Variants in ASTN2 observed in about 807,000 individuals in gnomAD.
ASTN2 encodes astrotactin-2.
Under a neutral mutation model 139.8 loss-of-function variants are expected in ASTN2, and 54 were observed. The ratio of observed to expected loss-of-function variants is 0.39; its 90% confidence interval spans 0.31 to 0.48. ASTN2 has a LOEUF of 0.48. Ranked by LOEUF, ASTN2 falls within the 20% of genes least tolerant of loss-of-function variation. The pLI, the probability that ASTN2 is intolerant of heterozygous loss-of-function variation, is 0.95. For synonymous variants in ASTN2, 756 were observed against 719.5 expected (o/e 1.05, Z -0.81); for missense variants, 1,565 against 1,725.1 (o/e 0.91, Z 1.64).
intron 13 of ASTN2, among the ~76,000 whole-genome samples, chr9:116,778,858 A>G (rs1830149544): frequency 6.6e-6 from 1 of 152,142 alleles, no homozygotes; most frequent in African/African-American, 2.4e-5. Context: ...AATCTAAATG[A>G]TTGATTAAGT....
chr9:116,943,484 C>T (rs1835294348), intron 10 of ASTN2, among the ~76,000 whole-genome samples: 1 of 152,190 alleles, frequency 6.6e-6, no homozygotes, highest in South Asian at 2.1e-4. Flanking sequence ...AATGGTTACA[C>T]AACTCTGTAA....
At chr9:116,838,118 TTTG>T (rs1564295727) in intron 11 of ASTN2, among the ~76,000 whole-genome samples, 10 of 138,984 alleles carry the variant, frequency 7.2e-5, no homozygotes, top group African/African-American at 2.5e-4. Flanking sequence ...TTTGTTTTGT[TTTG>T]TTTTTTGAGA....
chr9:116,779,030 T>A (rs531586596), intron 13 of ASTN2, among the ~76,000 whole-genome samples: 2 of 152,340 alleles, frequency 1.3e-5, no homozygotes, highest in Admixed American at 1.3e-4. Flanking sequence ...AATTACACTT[T>A]AAACTTGATG....
At chr9:117,160,709 G>A (rs1234687135) in intron 3 of ASTN2, among the ~76,000 whole-genome samples, 7 of 151,980 alleles carry the variant, frequency 4.6e-5, no homozygotes, top group Admixed American at 3.9e-4. Context: ...TAGGCACTCA[G>A]TAAGATTTCT....
intron 16 of ASTN2, among the ~76,000 whole-genome samples, chr9:116,657,850 G>A (rs1388285445): frequency 6.7e-6 from 1 of 149,656 alleles, no homozygotes; most frequent in East Asian, 2.1e-4. Flanking sequence ...CAAAAAAAAG[G>A]AATATAAAAG....
At chr9:117,329,799 T>C (rs1413772003) in intron 1 of ASTN2, among the ~76,000 whole-genome samples, 1 of 152,172 alleles carries the variant, frequency 6.6e-6, no homozygotes. Context: ...CCATTTATTG[T>C]TTACTATGTT....
chr9:116,863,912 T>G (rs1042117962), intron 10 of ASTN2, among the ~76,000 whole-genome samples, 179 bp from the exon 11 acceptor site: 3 of 152,164 alleles, frequency 2.0e-5, no homozygotes, highest in Non-Finnish European at 4.4e-5. Flanking sequence ...ACGGTGCTTG[T>G]CAAGTTGTGA....
At chr9:117,238,432 T>C (rs973734853) in intron 2 of ASTN2, among the ~76,000 whole-genome samples, 1 of 152,188 alleles carries the variant, frequency 6.6e-6, no homozygotes, top group African/African-American at 2.4e-5. Flanking sequence ...TTTTCCTATC[T>C]ACAAAGGAGA....
At chr9:116,685,087 T>C (rs1406989011) in intron 16 of ASTN2, among the ~76,000 whole-genome samples, 1 of 152,092 alleles carries the variant, frequency 6.6e-6, no homozygotes, top group Non-Finnish European at 1.5e-5. Flanking sequence ...CAGCTGGAGG[T>C]TACAAGATGC....
chr9:117,140,002 A>C (rs1466306554), intron 4 of ASTN2, among the ~76,000 whole-genome samples: 1 of 152,210 alleles, frequency 6.6e-6, no homozygotes, highest in Non-Finnish European at 1.5e-5. Flanking sequence ...CACTTACTAG[A>C]ATGTCCCCTC....
At position 116,698,065 on chromosome 9, in the gene ASTN2, C is replaced by G; in HGVS notation, c.2806+27706G>C. ...TGTCGGTCCTGTGGGCGGCGTCTGC[C>G]CCGGCAATTCTGCCGGAGCTGTGGT... On this transcript the variant is annotated intron_variant, in intron 16 of 22. Transcript: ENST00000313400. This position sits in a 1 kb window ranked among gnomAD's most constrained non-coding sequence, Gnocchi z 4.4. 6.2e-7 allele frequency: 1 copy of G among 1,614,032 alleles called. No homozygotes were observed. Among genetic ancestry groups the G allele is most frequent in the South Asian group, 1.1e-5 (1 of 91,078 alleles).
intron 2 of ASTN2, among the ~76,000 whole-genome samples, chr9:117,283,286 C>T (rs1414166240): frequency 6.6e-6 from 1 of 152,092 alleles, no homozygotes; most frequent in African/African-American, 2.4e-5. Context: ...GCCCACAGGC[C>T]TAGCTAGAGA....
intron 10 of ASTN2, among the ~76,000 whole-genome samples, chr9:116,974,974 C>G (rs186545559): frequency 4.6e-5 from 7 of 152,164 alleles, no homozygotes; most frequent in Non-Finnish European, 8.8e-5. Flanking sequence ...AATGCATCAG[C>G]CTCTTTTATA....
intron 19 of ASTN2, among the ~76,000 whole-genome samples, chr9:116,595,615 G>A (rs1015492511): frequency 1.4e-4 from 21 of 152,134 alleles, no homozygotes; most frequent in Admixed American, 6.5e-4. Context: ...GTGAGCCACC[G>A]CGCCCGGCCA....
At chr9:117,195,209 G>C (rs539799104) in intron 3 of ASTN2, among the ~76,000 whole-genome samples, 1 of 152,220 alleles carries the variant, frequency 6.6e-6, no homozygotes, top group East Asian at 1.9e-4. Context: ...AAAGAGGTTT[G>C]TCTGAAGAAA....
intron 6 of ASTN2, among the ~76,000 whole-genome samples, chr9:117,009,401 C>A (rs1039238036): frequency 4.6e-5 from 7 of 152,116 alleles, no homozygotes; most frequent in African/African-American, 1.4e-4. Context: ...CATATACATA[C>A]ACACACACTT....
At chr9:116,564,602 G>A (rs922778469) in intron 19 of ASTN2, among the ~76,000 whole-genome samples, 3 of 152,196 alleles carry the variant, frequency 2.0e-5, no homozygotes, top group Admixed American at 6.5e-5. Context: ...CCAACTGGTT[G>A]TTGTCCCCTG....
chr9:116,544,280 G>A (rs1411451037), intron 19 of ASTN2, among the ~76,000 whole-genome samples: 2 of 152,082 alleles, frequency 1.3e-5, no homozygotes, highest in Non-Finnish European at 2.9e-5. Flanking sequence ...TTTGGGGGAG[G>A]AGATAGGAGC....
At chr9:117,016,884 T>C (rs112913810) in intron 6 of ASTN2, among the ~76,000 whole-genome samples, 6 of 150,948 alleles carry the variant, frequency 4.0e-5, no homozygotes, top group African/African-American at 1.5e-4. Context: ...GACATCTTCC[T>C]GAAGTGCTGT....
Sources: gnomAD v4.1 joint callset for allele counts (sites outside exome capture counted in the v4.1 genomes callset) on GRCh38, gnomAD v4.1.1 for gene constraint, Gnocchi (gnomAD v3.1) non-coding constraint, MANE v1.5 for transcripts, NCBI Gene and HGNC (gene_info 2026-07-23, HGNC 2026-07-21) for gene names.